The following ROBO1 variants were observed in gnomAD, a reference collection of about 807,000 sequenced individuals.
The protein encoded by ROBO1 is roundabout guidance receptor 1.
ROBO1 carries 149 observed loss-of-function variants against 195.9 expected under a neutral mutation model. The ratio of observed to expected loss-of-function variants is 0.76; its 90% confidence interval spans 0.67 to 0.87. The LOEUF (loss-of-function observed/expected upper bound fraction) is 0.87, where lower values mean the gene tolerates loss of function less well. Among genes scored for constraint, ROBO1 ranks in the 40% least tolerant of loss-of-function variants. The pLI, the probability that ROBO1 is intolerant of heterozygous loss-of-function variation, is 0.00. For synonymous variants in ROBO1, 816 were observed against 733.2 expected, an observed-to-expected ratio of 1.11 and a Z score of -1.82; for missense variants, 1,933 against 2,068.3, an observed-to-expected ratio of 0.93 and a Z score of 1.27.
chr3:78,657,397 A>G, intron 17 of ROBO1, 128 bp from the exon 18 acceptor site: 1 of 894,744 alleles, frequency 1.1e-6, no homozygotes, highest in Non-Finnish European at 1.6e-6. Context: ...AGAAGTTTCC[A>G]AAGTCATTTT....
intron 2 of ROBO1, among the ~76,000 whole-genome samples, chr3:79,289,004 T>C (rs963133273): frequency 6.6e-6 from 1 of 152,114 alleles, no homozygotes; most frequent in African/African-American, 2.4e-5. Context: ...AACATGTCTT[T>C]CAATGAAATG....
chr3:78,739,719 G>A (rs2082477750), intron 5 of ROBO1, among the ~76,000 whole-genome samples: 1 of 152,062 alleles, frequency 6.6e-6, no homozygotes, highest in South Asian at 2.1e-4. Context: ...CCTTTGTTAT[G>A]TTATAGATTT....
Position 79,626,856 on chromosome 3 carries a change from C to A in ROBO1, c.-50-36895G>T, listed in dbSNP as rs577445968. Among the ~76,000 whole-genome samples, 7 of 152,100 alleles carry A rather than the reference C, an allele frequency of 4.6e-5. No homozygotes were observed. In the East Asian group the frequency reaches 1.4e-3, roughly 29 times the overall value. On this transcript the variant is annotated intron_variant, in intron 1 of 30. Transcript: ENST00000464233. The stretch of plus-strand genomic sequence containing the variant: ...AGTCACAAGCATTCCTTTATGCCAA[C>A]AACAGACAAGCAGAGAGCCAAATCT...
chr3:79,517,085 C>T (rs1343396820), intron 2 of ROBO1, among the ~76,000 whole-genome samples: 1 of 152,114 alleles, frequency 6.6e-6, no homozygotes, highest in African/African-American at 2.4e-5. Flanking sequence ...AATTCTTTCC[C>T]TTAGTGTAAA....
chr3:79,004,219 G>T lies in ROBO1; in HGVS notation c.173-65292C>A, dbSNP rs138156216. On this transcript the variant is annotated intron_variant, in intron 3 of 30. Coordinates refer to ENST00000464233, the MANE Select transcript of ROBO1 (RefSeq NM_002941.4). ...CTTTTGATTTTTTTTTAAACATGGG[G>T]ATGTAAATTTGCGATATTTGGCAAT... is the stretch of plus-strand genomic sequence containing the variant. Among the ~76,000 whole-genome samples, 1,280 of 152,076 alleles carry T rather than the reference G, an allele frequency of 8.4e-3. 17 individuals carry two copies. The highest frequency in any genetic ancestry group is 0.029 in the African/African-American group (1,213 of 41,486).
At chr3:78,639,521 TC>T (rs1199679826) in intron 22 of ROBO1, among the ~76,000 whole-genome samples, 1 of 152,226 alleles carries the variant, frequency 6.6e-6, no homozygotes, top group Admixed American at 6.5e-5. Context: ...GAATTTATCT[TC>T]CCAATTCTCT....
At chr3:79,052,246 T>A (rs1367699571) in intron 3 of ROBO1, among the ~76,000 whole-genome samples, 1 of 152,108 alleles carries the variant, frequency 6.6e-6, no homozygotes, top group African/African-American at 2.4e-5. Context: ...TCTTATGCAG[T>A]TGAAAATAAG....
At chr3:78,987,366 G>A (rs1576517836) in intron 3 of ROBO1, among the ~76,000 whole-genome samples, 1 of 151,978 alleles carries the variant, frequency 6.6e-6, no homozygotes, top group Non-Finnish European at 1.5e-5. Flanking sequence ...GCAACAGATG[G>A]GGTTTGGGGC....
intron 1 of ROBO1, among the ~76,000 whole-genome samples, chr3:79,680,019 C>T (rs1451724345): frequency 1.3e-5 from 2 of 151,962 alleles, no homozygotes; most frequent in Non-Finnish European, 2.9e-5. Flanking sequence ...ATTTCCATTG[C>T]TTAAAATGAA....
At chr3:78,694,074 T>C (rs1302079342) in intron 8 of ROBO1, among the ~76,000 whole-genome samples, 1 of 152,164 alleles carries the variant, frequency 6.6e-6, no homozygotes, top group Non-Finnish European at 1.5e-5. Context: ...AGTGAATAAA[T>C]TACAAGAACT....
intron 14 of ROBO1, 80 bp from the exon 15 acceptor site, chr3:78,662,194 C>T: frequency 7.9e-7 from 1 of 1,269,284 alleles, no homozygotes; most frequent in African/African-American, 1.6e-5. Context: ...ACAAACTGTT[C>T]ATTCATAGCA....
At chr3:78,618,529 C>T (rs1211031411) in intron 26 of ROBO1, among the ~76,000 whole-genome samples, 2 of 151,856 alleles carry the variant, frequency 1.3e-5, no homozygotes, top group East Asian at 1.9e-4. Context: ...TTCATCTTCA[C>T]TATAAAGAGT....
intron 4 of ROBO1, among the ~76,000 whole-genome samples, chr3:78,844,377 T>C (rs996132849): frequency 6.6e-6 from 1 of 152,098 alleles, no homozygotes; most frequent in Admixed American, 6.6e-5. Context: ...TATCCAACTG[T>C]TTAATATATT....
intron 2 of ROBO1, among the ~76,000 whole-genome samples, chr3:79,261,069 G>C (rs566178058): frequency 1.3e-5 from 2 of 152,132 alleles, no homozygotes; most frequent in South Asian, 4.1e-4. Context: ...ATGTTATAAA[G>C]AGTGTTTCCC....
At chr3:79,479,043 A>G (rs912500264) in intron 2 of ROBO1, among the ~76,000 whole-genome samples, 12 of 152,272 alleles carry the variant, frequency 7.9e-5, no homozygotes, top group Non-Finnish European at 1.3e-4. Context: ...GTCACGCTGT[A>G]TTATAACACT....
intron 2 of ROBO1, among the ~76,000 whole-genome samples, chr3:79,474,607 AT>A (rs1938452272): frequency 6.6e-6 from 1 of 152,150 alleles, no homozygotes; most frequent in South Asian, 2.1e-4. Flanking sequence ...AGGGCCACAC[AT>A]AAATTTTAAA....
chr3:79,384,423 T>A (rs1452291514), intron 2 of ROBO1, among the ~76,000 whole-genome samples: 1 of 151,946 alleles, frequency 6.6e-6, no homozygotes, highest in Non-Finnish European at 1.5e-5. Flanking sequence ...GAAAGCAACA[T>A]GTAAATAGGT....
intron 10 of ROBO1, among the ~76,000 whole-genome samples, chr3:78,678,589 T>C (rs918111213): frequency 2.0e-5 from 3 of 152,092 alleles, no homozygotes; most frequent in African/African-American, 7.2e-5. Flanking sequence ...AATGGATAAA[T>C]TCCTCGACAC....
intron 1 of ROBO1, among the ~76,000 whole-genome samples, chr3:79,626,016 G>A (rs1945167016): frequency 6.6e-6 from 1 of 152,138 alleles, no homozygotes; most frequent in Admixed American, 6.6e-5. Context: ...GCATGATCAA[G>A]TCAGCTTCAT....
Sources: gnomAD v4.1 joint callset for allele counts (sites outside exome capture counted in the v4.1 genomes callset) on GRCh38, gnomAD v4.1.1 for gene constraint, MANE v1.5 for transcripts, NCBI Gene and HGNC (gene_info 2026-07-23, HGNC 2026-07-21) for gene names.